The following DHX16 variants were observed in gnomAD, a reference collection of about 807,000 sequenced individuals.
DHX16 encodes the protein pre-mRNA-splicing factor ATP-dependent RNA helicase DHX16.
Under a neutral mutation model 131.2 loss-of-function variants are expected in DHX16, and 81 were observed. The observed-to-expected ratio is 0.62, with a 90% CI of 0.52 to 0.74. The LOEUF (loss-of-function observed/expected upper bound fraction) is 0.74, where lower values mean the gene tolerates loss of function less well. Among genes scored for constraint, DHX16 ranks in the 30% least tolerant of loss-of-function variants. DHX16 has a pLI of 0.00. For missense variants in DHX16, 980 were observed against 1,363.1 expected (o/e 0.72, Z 4.43); for synonymous variants, 440 against 520.2 (o/e 0.85, Z 2.10).
chr6:30,659,451 G>A, intron 12 of DHX16, 21 bp downstream of exon 12: 1 of 1,572,416 alleles, frequency 6.4e-7, no homozygotes, highest in South Asian at 1.2e-5. Flanking sequence ...GGGGTGAAGA[G>A]TGTGGGTTTC....
chr6:30,669,921 C>T (rs1769379681), intron 4 of DHX16, among the ~76,000 whole-genome samples: 1 of 152,022 alleles, frequency 6.6e-6, no homozygotes, highest in African/African-American at 2.4e-5. Flanking sequence ...TGTCCCTGTC[C>T]AGTGAGAAGA....
At position 30,653,335 on chromosome 6, in the gene DHX16, C is replaced by G; in HGVS notation, c.3033G>C (p.Val1011=). 6.2e-7 allele frequency: 1 copy of G among 1,612,844 alleles called. No individual in the cohort carries two copies. The highest frequency in any genetic ancestry group is 8.5e-7 in the Non-Finnish European group (1 of 1,179,938). The change falls in exon 20 of 20, where the codon GTG becomes GTC. Residue 1011 remains valine (V), a synonymous_variant. Transcript: ENST00000376442. ...LEIESSWLLE[V]APHYYKAKEL... The stretch of plus-strand genomic sequence containing the variant: ...CCTTGGCCTTATAATAATGGGGAGC[C>G]ACCTCCAGAAGCCAACTGCTCTCAA...
At chr6:30,671,790 C>T (rs1345379958) in intron 1 of DHX16, among the ~76,000 whole-genome samples, 1 of 151,910 alleles carries the variant, frequency 6.6e-6, no homozygotes, top group African/African-American at 2.4e-5. Context: ...TCAAGGGATC[C>T]TCCCACCTCA....
In DHX16 at chr6:30,659,514, C is replaced by T. The variant is rs1267614411; in HGVS notation, c.1965G>A (p.Met655Ile). ...LPIYANLPSD[M>I]QARIFQPTPP... ...GTGTGGGCTGGAAGATACGGGCCTGCATGTCAGAGGGCAGATTGGCATAAA... is the reference window on the plus strand; with the variant it reads ...GTGTGGGCTGGAAGATACGGGCCTGTATGTCAGAGGGCAGATTGGCATAAA... Residue 655 changes from methionine (M) to isoleucine (I), a missense_variant, in exon 12 of 20, where the codon ATG becomes ATA. By Grantham distance (10) the Met-to-Ile change is conservative (BLOSUM62 1). Transcript: ENST00000376442. 6.2e-7 allele frequency: 1 copy of T among 1,607,044 alleles called. No individual in the cohort carries two copies. Among genetic ancestry groups the T allele is most frequent in the Non-Finnish European group, 8.5e-7 (1 of 1,177,282 alleles).
chr6:30,670,368 C>G lies in DHX16; in HGVS notation c.666+42G>C, dbSNP rs756898084. 6.4e-7 allele frequency: 1 copy of G among 1,573,574 alleles called. No homozygotes were observed. The highest frequency in any genetic ancestry group is 1.8e-5 in the Admixed American group (1 of 57,028). ...TATACACTCTATCAGAAAGTCTTTC[C>G]TTTTGTCTTCTGATCTTGGCTCCCT... is the stretch of plus-strand genomic sequence containing the variant. On this transcript the variant is annotated intron_variant, in intron 4 of 19. Coordinates refer to ENST00000376442, the MANE Select transcript of DHX16 (RefSeq NM_003587.5). This position sits in a 1 kb window ranked among gnomAD's most constrained non-coding sequence, Gnocchi z 4.4.
At chr6:30,653,978 G>A (rs1052198961) in intron 19 of DHX16, among the ~76,000 whole-genome samples, 1 of 151,852 alleles carries the variant, frequency 6.6e-6, no homozygotes, top group Non-Finnish European at 1.5e-5. Context: ...AATTAGCTGG[G>A]CGTGGTGGTG....
At position 30,666,276 on chromosome 6, in the gene DHX16, T is replaced by C. The variant is rs181864469; in HGVS notation, c.667-543A>G. 9.2e-5 allele frequency among the ~76,000 whole-genome samples: 14 copies of C among 152,232 alleles called. No homozygotes were observed. In the East Asian group the frequency reaches 2.5e-3, roughly 27 times the overall value. On this transcript the variant is annotated intron_variant, in intron 4 of 19. Coordinates refer to ENST00000376442, the MANE Select transcript of DHX16 (RefSeq NM_003587.5). ...AAAAGTTAGGACTACAGCATCAGAGTGTTTCTGTAAGGCAAATGTAATCAG... is the reference window on the plus strand; with the variant it reads ...AAAAGTTAGGACTACAGCATCAGAGCGTTTCTGTAAGGCAAATGTAATCAG...
chr6:30,660,084 GGGGCGTCATCAAA>G lies in DHX16; in HGVS notation c.1690_1702del (p.Phe564LeufsTer29). ...CCTGCGTCCGGGGATTCGAAACACA[GGGGCGTCATCAAA>G]GAAGGTGGAAAAACGGGCAGTGTCC... On this transcript the variant is annotated frameshift_variant, in exon 10 of 20. Coordinates refer to ENST00000376442, the MANE Select transcript of DHX16 (RefSeq NM_003587.5). LOFTEE classifies it high-confidence loss of function. 6 of 1,612,896 alleles carry G rather than the reference GGGGCGTCATCAAA, an allele frequency of 3.7e-6. No homozygotes were observed. The highest frequency in any genetic ancestry group is 5.1e-6 in the Non-Finnish European group (6 of 1,179,934).
chr6:30,653,561 C>T (rs1401930746), intron 19 of DHX16, among the ~76,000 whole-genome samples, 191 bp from the exon 20 acceptor site: 2 of 134,810 alleles, frequency 1.5e-5, no homozygotes. Flanking sequence ...GCACACATCA[C>T]AGTGCACCAT....
intron 9 of DHX16, 116 bp from the exon 10 acceptor site, chr6:30,660,358 TG>T: frequency 1.2e-6 from 1 of 844,954 alleles, no homozygotes; most frequent in East Asian, 3.0e-5. Flanking sequence ...GAATGACTGT[TG>T]ACGGAGGGGG....
intron 1 of DHX16, 88 bp downstream of exon 1, chr6:30,672,547 T>C (rs6937357): frequency 0.026 from 31,256 of 1,217,980 alleles, 1,141 homozygotes; most frequent in African/African-American, 0.12. Context: ...TAAGTGCTTG[T>C]GAACTGAGCT....
At chr6:30,666,384 T>A (rs1056545940) in intron 4 of DHX16, among the ~76,000 whole-genome samples, 2 of 152,224 alleles carry the variant, frequency 1.3e-5, no homozygotes, top group African/African-American at 4.8e-5. Context: ...TGATACAAAC[T>A]TTTCAGGACA....
chr6:30,664,279 T>C (rs1477201726), intron 7 of DHX16, among the ~76,000 whole-genome samples: 6 of 149,804 alleles, frequency 4.0e-5, no homozygotes, highest in Admixed American at 4.0e-4. Flanking sequence ...AGGTCAGGAG[T>C]TCGAGAGCAG....
chr6:30,668,426 G>A (rs752602897), intron 4 of DHX16, among the ~76,000 whole-genome samples: 7 of 152,224 alleles, frequency 4.6e-5, no homozygotes, highest in South Asian at 2.1e-4. Context: ...CGAGGGGGGT[G>A]GATCGCCAAA....
In DHX16 at chr6:30,670,345, T is replaced by A; in HGVS notation, c.666+65A>T. The A allele has an allele frequency of 6.7e-7, 1 of 1,498,994 alleles. No individual in the cohort carries two copies. Among genetic ancestry groups the A allele is most frequent in the South Asian group, 1.2e-5 (1 of 84,398 alleles). 92.9% of individuals were successfully genotyped at this position (1,498,994 alleles called of 1,614,324 possible). On this transcript the variant is annotated intron_variant, in intron 4 of 19. Transcript: ENST00000376442. This position sits in a 1 kb window ranked among gnomAD's most constrained non-coding sequence, Gnocchi z 4.4. ...GCTTCCTCTGTATCCTCTCTCCCTATACACTCTATCAGAAAGTCTTTCCTT... is the reference window on the plus strand; with the variant it reads ...GCTTCCTCTGTATCCTCTCTCCCTAAACACTCTATCAGAAAGTCTTTCCTT...
chr6:30,655,447 A>AGGTGGTCACCTG lies in DHX16; in HGVS notation c.2648_2649insCAGGTGACCACC (p.Asn883_Val884insArgTer). On this transcript the variant is annotated stop_gained and inframe_insertion, in exon 17 of 20. Coordinates refer to ENST00000376442, the MANE Select transcript of DHX16 (RefSeq NM_003587.5). LOFTEE classifies it high-confidence loss of function. Reference sequence around the variant, plus strand: ...CAAGCCCAGTGACCTGTGTGTAAACATTTAGCAGAACCAGGTGGTCACCGC... The same window carrying AGGTGGTCACCTG: ...CAAGCCCAGTGACCTGTGTGTAAACAGGTGGTCACCTGTTTAGCAGAACCAGGTGGTCACCGC... 1 of 1,613,800 alleles carries AGGTGGTCACCTG rather than the reference A, an allele frequency of 6.2e-7. No homozygotes were observed. Among genetic ancestry groups the AGGTGGTCACCTG allele is most frequent in the East Asian group, 2.2e-5 (1 of 44,884 alleles).
chr6:30,657,382 C>T (rs1262843709), intron 12 of DHX16, among the ~76,000 whole-genome samples: 3 of 151,194 alleles, frequency 2.0e-5, no homozygotes, highest in Non-Finnish European at 4.4e-5. Flanking sequence ...CTGCCCGATC[C>T]TCCCCATCAC....
Position 30,656,128 on chromosome 6 carries a change from G to A in DHX16, c.2498+70C>T. On this transcript the variant is annotated intron_variant, in intron 16 of 19. Coordinates refer to ENST00000376442, the MANE Select transcript of DHX16 (RefSeq NM_003587.5). This position sits in a 1 kb window ranked among gnomAD's most constrained non-coding sequence, Gnocchi z 5.1. ...TGATGAACAGAAAAAGACAGACAAA[G>A]GGGACCCTGGAGACAGAGGAGGCCT... 1 of 1,442,100 alleles carries A rather than the reference G, an allele frequency of 6.9e-7. No homozygotes were observed. Among genetic ancestry groups the A allele is most frequent in the Non-Finnish European group, 9.7e-7 (1 of 1,031,694 alleles). The allele number at this position is 1,442,100 out of a possible 1,614,324, so 89.3% of individuals were successfully genotyped here.
intron 10 of DHX16, 58 bp downstream of exon 10, chr6:30,659,974 C>G (rs1768345983): frequency 1.9e-6 from 3 of 1,583,768 alleles, no homozygotes; most frequent in Non-Finnish European, 2.6e-6. Flanking sequence ...GGATAACCTT[C>G]TCCAAAGGCC....
Sources: allele counts gnomAD v4.1 joint callset (sites outside exome capture counted in the v4.1 genomes callset), GRCh38; gene constraint gnomAD v4.1.1; non-coding constraint Gnocchi (gnomAD v3.1); transcripts MANE v1.5; gene names NCBI Gene and HGNC (gene_info 2026-07-23, HGNC 2026-07-21).